The following CUL2 variants were observed in gnomAD, a reference collection of about 807,000 sequenced individuals.
CUL2 encodes cullin 2, also known as cullin-2.
CUL2 carries 22 observed loss-of-function variants against 110.2 expected under a neutral mutation model. The observed-to-expected ratio is 0.20, with a 90% CI of 0.14 to 0.28. The LOEUF (loss-of-function observed/expected upper bound fraction) is 0.28, where lower values mean the gene tolerates loss of function less well. Ranked by LOEUF, CUL2 falls within the 10% of genes least tolerant of loss-of-function variation. CUL2 has a pLI of 1.00. For missense variants in CUL2, 631 were observed against 905.5 expected (o/e 0.70, Z 3.89); for synonymous variants, 279 against 293.2 (o/e 0.95, Z 0.49).
At chr10:35,083,166 A>G (rs947547968) in intron 1 of CUL2, among the ~76,000 whole-genome samples, 6 of 151,588 alleles carry the variant, frequency 4.0e-5, no homozygotes, top group East Asian at 1.9e-4. Context: ...AAAAAAAAAA[A>G]AAAGAAAGAA....
intron 1 of CUL2, among the ~76,000 whole-genome samples, chr10:35,116,889 A>G (rs1186960685): frequency 1.3e-5 from 2 of 151,704 alleles, no homozygotes; most frequent in Non-Finnish European, 2.9e-5. Context: ...CCTGGGAGGT[A>G]GAGGTTGCAG....
At chr10:35,107,612 G>A (rs1159084908) in intron 1 of CUL2, among the ~76,000 whole-genome samples, 1 of 151,852 alleles carries the variant, frequency 6.6e-6, no homozygotes, top group Non-Finnish European at 1.5e-5. Context: ...GCCTGGCGCG[G>A]TGGCTCATGC....
intron 4 of CUL2, among the ~76,000 whole-genome samples, chr10:35,059,719 C>A (rs1157769459): frequency 6.6e-6 from 1 of 152,072 alleles, no homozygotes; most frequent in East Asian, 1.9e-4. Context: ...GTTTCTGGAA[C>A]AAGATTATGG....
At chr10:35,010,553 G>A in intron 20 of CUL2, 111 bp from the exon 21 acceptor site, 1 of 998,370 alleles carries the variant, frequency 1.0e-6, no homozygotes, top group Non-Finnish European at 1.4e-6. Flanking sequence ...TCAACAAATG[G>A]GCCAAATTAA....
chr10:35,104,366 AGCC>A (rs993152566), intron 1 of CUL2, among the ~76,000 whole-genome samples: 60 of 152,270 alleles, frequency 3.9e-4, no homozygotes, highest in African/African-American at 1.4e-3. Context: ...GGATGGCTTG[AGCC>A]CAGGAGTTCA....
In CUL2 at chr10:35,088,499, CA is replaced by C. The variant is rs9299718; in HGVS notation, c.-23+1679del. ...CTGGTGACAGAGCGAGACTCCGCCTCAAAAAAAAAAAAAAAAAAAAAAGAAA... is the reference window on the plus strand; with the variant it reads ...CTGGTGACAGAGCGAGACTCCGCCTCAAAAAAAAAAAAAAAAAAAAAGAAA... On this transcript the variant is annotated intron_variant, in intron 1 of 20. Coordinates refer to ENST00000374749, the MANE Select transcript of CUL2 (RefSeq NM_003591.4). Among the ~76,000 whole-genome samples the C allele has an allele frequency of 3.5e-3, 314 of 88,550 alleles. 1 individual carries two copies. Among genetic ancestry groups the C allele is most frequent in the African/African-American group, 0.016 (302 of 19,440 alleles). 58.1% of individuals were successfully genotyped at this position (88,550 alleles called of 152,430 possible).
At chr10:35,058,755 T>C (rs2086307186) in intron 4 of CUL2, among the ~76,000 whole-genome samples, 1 of 152,180 alleles carries the variant, frequency 6.6e-6, no homozygotes, top group African/African-American at 2.4e-5. Context: ...CCCTCATGTT[T>C]TAAGGAAAAT....
chr10:35,086,266 G>C (rs529399551), intron 1 of CUL2, among the ~76,000 whole-genome samples: 111 of 152,182 alleles, frequency 7.3e-4, no homozygotes, highest in African/African-American at 2.6e-3. Context: ...GGAGGCTGAG[G>C]TGGGAGAATT....
chr10:35,080,441 A>T (rs1194519868), intron 1 of CUL2, among the ~76,000 whole-genome samples: 1 of 120,228 alleles, frequency 8.3e-6, no homozygotes, highest in African/African-American at 4.0e-5. Context: ...ATTTTTATTT[A>T]TTTATTTATT....
chr10:35,010,116 T>C lies in CUL2; in HGVS notation c.*195A>G, dbSNP rs535355558. ...TTTAATAAAGTTTTAAGAAATGTCATAATGACATGAGCTTGAAATATCTCT... is the reference window on the plus strand; with the variant it reads ...TTTAATAAAGTTTTAAGAAATGTCACAATGACATGAGCTTGAAATATCTCT... On this transcript the variant is annotated 3_prime_UTR_variant, in exon 21 of 21. Coordinates refer to ENST00000374749, the MANE Select transcript of CUL2 (RefSeq NM_003591.4). 3 of 370,740 alleles carry C rather than the reference T, an allele frequency of 8.1e-6. No individual in the cohort carries two copies. Among genetic ancestry groups the C allele is most frequent in the East Asian group, 9.9e-5 (2 of 20,156 alleles). 23.0% of individuals were successfully genotyped at this position (370,740 alleles called of 1,614,324 possible). A position where few individuals can be genotyped will look rare whatever the true frequency, so the allele number is the denominator to read the frequency against.
chr10:35,107,068 G>A (rs567819384), intron 1 of CUL2, among the ~76,000 whole-genome samples: 3 of 151,928 alleles, frequency 2.0e-5, no homozygotes, highest in East Asian at 1.9e-4. Flanking sequence ...TCCACCTCCC[G>A]GGTTCACACC....
At chr10:35,047,921 A>G (rs2085991146) in intron 6 of CUL2, among the ~76,000 whole-genome samples, 2 of 152,086 alleles carry the variant, frequency 1.3e-5, no homozygotes, top group South Asian at 2.1e-4. Flanking sequence ...AAAAAAGGAA[A>G]AAAGGACAGG....
In CUL2 at chr10:35,046,047, T is replaced by C. The variant is rs563197180; in HGVS notation, c.507-1179A>G. Among the ~76,000 whole-genome samples, 8 of 152,212 alleles carry C rather than the reference T, an allele frequency of 5.3e-5. No individual in the cohort carries two copies. The South Asian group carries it at 1.0e-3, about 20-fold the overall frequency. On this transcript the variant is annotated intron_variant, in intron 6 of 20. Coordinates refer to ENST00000374749, the MANE Select transcript of CUL2 (RefSeq NM_003591.4). The stretch of plus-strand genomic sequence containing the variant: ...AGGCAATTACCTTTACATACTAGAG[T>C]CCTTCCCTGCCTCTGAACCCCTCTA...
intron 8 of CUL2, among the ~76,000 whole-genome samples, chr10:35,042,714 T>C (rs2085826577): frequency 6.6e-6 from 1 of 152,178 alleles, no homozygotes; most frequent in African/African-American, 2.4e-5. Flanking sequence ...AAGTGGTTGT[T>C]TATTTGTATC....
intron 1 of CUL2, among the ~76,000 whole-genome samples, chr10:35,085,844 G>GA (rs1234927133): frequency 1.3e-5 from 2 of 151,856 alleles, no homozygotes; most frequent in Middle Eastern, 3.4e-3. Flanking sequence ...CTCACAAAAA[G>GA]AAACAGCTTT....
At chr10:35,080,433 T>TTTA (rs2086917242) in intron 1 of CUL2, among the ~76,000 whole-genome samples, 1 of 140,634 alleles carries the variant, frequency 7.1e-6, no homozygotes, top group Non-Finnish European at 1.5e-5. Flanking sequence ...GAATTCCTAT[T>TTTA]TTTATTTATT....
intron 1 of CUL2, among the ~76,000 whole-genome samples, chr10:35,115,286 G>T (rs2087580098): frequency 6.6e-6 from 1 of 152,106 alleles, no homozygotes; most frequent in Non-Finnish European, 1.5e-5. Context: ...ACAAGGCCAG[G>T]TGCAGTGGCT....
At chr10:35,080,692 G>C (rs1358127109) in intron 1 of CUL2, among the ~76,000 whole-genome samples, 1 of 152,076 alleles carries the variant, frequency 6.6e-6, no homozygotes, top group African/African-American at 2.4e-5. Flanking sequence ...CTGAGCTCAA[G>C]CTTCCACCAG....
chr10:35,046,173 T>C (rs759992099), intron 6 of CUL2, among the ~76,000 whole-genome samples: 2 of 152,244 alleles, frequency 1.3e-5, no homozygotes, highest in Admixed American at 6.5e-5. Flanking sequence ...ATAGAGAATC[T>C]TGATATCTTG....
Sources: gnomAD v4.1 joint callset for allele counts (sites outside exome capture counted in the v4.1 genomes callset) on GRCh38, gnomAD v4.1.1 for gene constraint, MANE v1.5 for transcripts, NCBI Gene and HGNC (gene_info 2026-07-23, HGNC 2026-07-21) for gene names.